The following NEMF variants were observed in gnomAD, a reference collection of about 807,000 sequenced individuals.
NEMF encodes the protein nuclear export mediator factor, also known as ribosome quality control complex subunit NEMF.
A neutral mutation model predicts 162.2 loss-of-function variants in NEMF; 89 were observed. The observed-to-expected ratio is 0.55, with a 90% confidence interval of 0.46 to 0.65. NEMF has a LOEUF of 0.65. NEMF is among the 30% of genes least tolerant of loss of function. The pLI, the probability that NEMF is intolerant of heterozygous loss-of-function variation, is 0.00. For synonymous variants in NEMF, 421 were observed against 404.5 expected (o/e 1.04, Z -0.49); for missense variants, 1,133 against 1,261.9 (o/e 0.90, Z 1.55).
chr14:49,835,890 A>G (rs562368616), intron 6 of NEMF, among the ~76,000 whole-genome samples: 1 of 152,350 alleles, frequency 6.6e-6, no homozygotes, highest in Admixed American at 6.5e-5. Flanking sequence ...TTCCACTGAC[A>G]ATAGCATCAA....
intron 16 of NEMF, among the ~76,000 whole-genome samples, chr14:49,825,430 T>C (rs1260083161): frequency 2.0e-5 from 3 of 151,944 alleles, no homozygotes; most frequent in South Asian, 2.1e-4. Flanking sequence ...GAGCAGGCAA[T>C]AGGAGTAAAG....
intron 19 of NEMF, among the ~76,000 whole-genome samples, chr14:49,805,225 AG>A (rs2139870798): frequency 6.6e-6 from 1 of 152,376 alleles, no homozygotes; most frequent in African/African-American, 2.4e-5. Flanking sequence ...AATCTAAGGG[AG>A]TATAATGAAA....
At chr14:49,814,506 C>T (rs1191032831) in intron 17 of NEMF, among the ~76,000 whole-genome samples, 1 of 152,200 alleles carries the variant, frequency 6.6e-6, no homozygotes, top group Non-Finnish European at 1.5e-5. Flanking sequence ...GAAAGTTATT[C>T]TGTTAATGTA....
chr14:49,813,386 AAGTAG>A (rs1276334818), intron 18 of NEMF, among the ~76,000 whole-genome samples: 3 of 152,314 alleles, frequency 2.0e-5, no homozygotes, highest in African/African-American at 4.8e-5. Context: ...TGCTGCTATT[AAGTAG>A]AGTATTCTAG....
In NEMF at chr14:49,846,225, T is replaced by C. The variant is rs1298709702; in HGVS notation, c.272A>G (p.Lys91Arg). ...HLKSRRLVSA[K>R]QLGVDRIVDF... ...TACAATTCTATCCACACCAAGCTGT[T>C]TTGCACTGACTAATCTCCGACTCTT... Residue 91 changes from lysine to arginine, a missense_variant, in exon 4 of 33, where the codon AAA (lysine) becomes AGA (arginine). Lys to Arg is a conservative substitution (Grantham distance 26). Transcript: ENST00000298310. 1 of 1,613,782 alleles carries C rather than the reference T, an allele frequency of 6.2e-7. No individual in the cohort carries two copies. The highest frequency in any genetic ancestry group is 1.3e-5 in the African/African-American group (1 of 74,916).
intron 18 of NEMF, among the ~76,000 whole-genome samples, chr14:49,811,308 G>A (rs1891468029): frequency 6.6e-6 from 1 of 152,090 alleles, no homozygotes. Flanking sequence ...CTCATATCCT[G>A]GACATTGCTG....
Position 49,806,146 on chromosome 14 carries a change from T to C in NEMF, c.1745-13A>G, listed in dbSNP as rs372585960. The C allele has an allele frequency of 1.1e-5, 17 of 1,590,520 alleles. No individual in the cohort carries two copies. The African/African-American group carries it at 1.2e-4, about 12-fold the overall frequency. ...GGGATGGGTTCTCCTAGAATAACAA[T>C]GCATAATGTTTCAATACCAAAGTAT... On this transcript the variant is annotated splice_polypyrimidine_tract_variant and intron_variant, in intron 18 of 32. Coordinates refer to ENST00000298310, the MANE Select transcript of NEMF (RefSeq NM_004713.6).
At chr14:49,820,055 G>C (rs969661897) in intron 16 of NEMF, 1 of 167,296 alleles carries the variant, frequency 6.0e-6, no homozygotes, top group African/African-American at 2.4e-5. Context: ...AGGTTCAAGC[G>C]ATTCTTCTGC....
chr14:49,820,232 G>A, intron 16 of NEMF: 2 of 337,448 alleles, frequency 5.9e-6, no homozygotes, highest in Non-Finnish European at 1.2e-5. Context: ...TAACAGGCAT[G>A]AGCCACTGTG....
Position 49,782,272 on chromosome 14 carries a change from T to TAA in NEMF, c.*2362_*2363dup. The TAA allele has an allele frequency of 1.3e-6, 1 of 747,968 alleles. No homozygotes were observed. The highest frequency in any genetic ancestry group is 2.2e-6 in the Non-Finnish European group (1 of 448,894). 46.3% of individuals were successfully genotyped at this position (747,968 alleles called of 1,614,324 possible). ...CATGATGTTTTGGTCTGAACTACCT[T>TAA]AAGATCGCTAGTCTTTATTTCATAG... On this transcript the variant is annotated 3_prime_UTR_variant, in exon 33 of 33. Transcript: ENST00000298310.
chr14:49,800,119 G>A (rs1425441249), intron 23 of NEMF, among the ~76,000 whole-genome samples: 1 of 152,074 alleles, frequency 6.6e-6, no homozygotes, highest in Non-Finnish European at 1.5e-5. Flanking sequence ...CTGATGATCT[G>A]CAAAACATTA....
intron 26 of NEMF, among the ~76,000 whole-genome samples, chr14:49,790,385 G>A (rs1475513225): frequency 1.3e-5 from 2 of 152,088 alleles, no homozygotes; most frequent in African/African-American, 2.4e-5. Context: ...TAGGCACTTC[G>A]AAAGAGGATA....
In NEMF at chr14:49,824,599, A is replaced by C. The variant is rs75400616; in HGVS notation, c.1577+1268T>G. 1.5e-3 allele frequency among the ~76,000 whole-genome samples: 219 copies of C among 150,338 alleles called. No homozygotes were observed. The Middle Eastern group carries it at 0.018, about 12-fold the overall frequency. On this transcript the variant is annotated intron_variant, in intron 16 of 32. Coordinates refer to ENST00000298310, the MANE Select transcript of NEMF (RefSeq NM_004713.6). ...TATATTTTCATAGAATTCTATACTC[A>C]ATTTTTTTTTTTAAGAGACGGGGTT...
chr14:49,844,559 A>C (rs747426500), intron 4 of NEMF, among the ~76,000 whole-genome samples: 1 of 152,116 alleles, frequency 6.6e-6, no homozygotes, highest in Non-Finnish European at 1.5e-5. Flanking sequence ...CAGTGAGTAA[A>C]TGTGAAGGCC....
rs187264912 is a variant in NEMF at position 49,852,015 on chromosome 14, C to G, written c.60-140G>C. On this transcript the variant is annotated intron_variant, in intron 1 of 32. Transcript: ENST00000298310. ...CAGCCGAGGAGCAGAGTCTGAAAGC[C>G]ATTTGGAGATTCAGTTCAAAACTTA... 141 of 576,376 alleles carry G rather than the reference C, an allele frequency of 2.4e-4. No individual in the cohort carries two copies. In the East Asian group the frequency reaches 4.1e-3, roughly 17 times the overall value. 35.7% of individuals were successfully genotyped at this position (576,376 alleles called of 1,614,324 possible).
rs1381346791 is a variant in NEMF, at chr14:49,789,218, TTTC to T, written c.2820_2822del (p.Lys941del). On this transcript the variant is annotated inframe_deletion, in exon 28 of 33. Transcript: ENST00000298310. ...TTATAACCTCAAGGAACGGAGTTTC[TTTC>T]TTAATGTTGTCAGAGACCCTCTGTC... is the stretch of plus-strand genomic sequence containing the variant. 9 of 1,614,174 alleles carry T rather than the reference TTTC, an allele frequency of 5.6e-6. No individual in the cohort carries two copies. Among genetic ancestry groups the T allele is most frequent in the African/African-American group, 1.3e-5 (1 of 75,062 alleles).
At chr14:49,796,474 A>AT (rs112822505) in intron 25 of NEMF, 4,068 of 243,806 alleles carry the variant, frequency 0.017, no homozygotes, top group South Asian at 0.033. Flanking sequence ...CATACTCTGA[A>AT]TTTTTTTTTT....
At chr14:49,837,944 T>C (rs1022376717) in intron 6 of NEMF, among the ~76,000 whole-genome samples, 195 bp downstream of exon 6, 2 of 152,176 alleles carry the variant, frequency 1.3e-5, no homozygotes, top group Non-Finnish European at 2.9e-5. Flanking sequence ...ACAATCTGCA[T>C]TGCTTTTAAA....
At chr14:49,828,973 G>A in intron 13 of NEMF, 81 bp downstream of exon 13, 1 of 1,422,672 alleles carries the variant, frequency 7.0e-7, no homozygotes, top group East Asian at 2.3e-5. Flanking sequence ...AAAATATGAA[G>A]AAAAAATGTT....
Sources: allele counts gnomAD v4.1 joint callset (sites outside exome capture counted in the v4.1 genomes callset), GRCh38; gene constraint gnomAD v4.1.1; transcripts MANE v1.5; gene names NCBI Gene and HGNC (gene_info 2026-07-23, HGNC 2026-07-21).